GRID2: variants seen among roughly 807,000 people sequenced by gnomAD.
The protein encoded by GRID2 is glutamate ionotropic receptor delta type subunit 2.
Under a neutral mutation model 114.8 loss-of-function variants are expected in GRID2, and 33 were observed. The ratio of observed to expected loss-of-function variants is 0.29; its 90% confidence interval spans 0.22 to 0.38. The LOEUF is 0.38. GRID2 is among the 10% of genes least tolerant of loss of function. The probability of loss-of-function intolerance (pLI) is 1.00; values close to 1 mark genes in which losing one functional copy is unlikely to be tolerated. For synonymous variants in GRID2, 505 were observed against 449.9 expected (o/e 1.12, Z -1.55); for missense variants, 1,184 against 1,257.7 (o/e 0.94, Z 0.89).
intron 13 of GRID2, among the ~76,000 whole-genome samples, chr4:93,606,284 A>C (rs543541736): frequency 8.5e-5 from 13 of 152,194 alleles, no homozygotes; most frequent in African/African-American, 3.1e-4. Flanking sequence ...AATACAAATA[A>C]AAAAATGTAG....
intron 2 of GRID2, among the ~76,000 whole-genome samples, chr4:92,630,288 A>G (rs1467608760): frequency 6.6e-6 from 1 of 152,102 alleles, no homozygotes; most frequent in Admixed American, 6.6e-5. Flanking sequence ...ACTTCATCAC[A>G]AACTCCGTGT....
intron 1 of GRID2, among the ~76,000 whole-genome samples, chr4:92,458,034 G>T (rs1721301720): frequency 1.3e-5 from 2 of 152,176 alleles, no homozygotes; most frequent in Admixed American, 1.3e-4. Flanking sequence ...CATGAATTGT[G>T]CATTTAGAAT....
intron 14 of GRID2, among the ~76,000 whole-genome samples, chr4:93,715,417 CTT>C (rs933377233): frequency 6.6e-6 from 1 of 152,170 alleles, no homozygotes; most frequent in Non-Finnish European, 1.5e-5. Flanking sequence ...TGTTCAAACT[CTT>C]TTGTCGTTCC....
intron 8 of GRID2, among the ~76,000 whole-genome samples, chr4:93,343,219 A>C (rs181187485): frequency 2.4e-3 from 360 of 151,986 alleles, no homozygotes; most frequent in African/African-American, 6.5e-3. Flanking sequence ...GTTCCCTTAT[A>C]ATAATTATAA....
intron 2 of GRID2, among the ~76,000 whole-genome samples, chr4:92,829,503 T>C (rs1438100558): frequency 6.6e-6 from 1 of 152,126 alleles, no homozygotes; most frequent in African/African-American, 2.4e-5. Flanking sequence ...TGTAAATTAG[T>C]TGAACCATTG....
chr4:93,160,431 A>G (rs894896078), intron 4 of GRID2, among the ~76,000 whole-genome samples: 1 of 151,860 alleles, frequency 6.6e-6, no homozygotes, highest in Non-Finnish European at 1.5e-5. Context: ...CTAAACAAAT[A>G]TAATTTTGTT....
At chr4:93,625,744 G>T (rs930003031) in intron 13 of GRID2, among the ~76,000 whole-genome samples, 3 of 151,986 alleles carry the variant, frequency 2.0e-5, no homozygotes, top group Admixed American at 6.6e-5. Flanking sequence ...TGAAACCCCA[G>T]CTCTACTAAA....
At chr4:93,269,851 G>C (rs1181760437) in intron 8 of GRID2, among the ~76,000 whole-genome samples, 2 of 152,028 alleles carry the variant, frequency 1.3e-5, no homozygotes, top group African/African-American at 4.8e-5. Flanking sequence ...ATGCCTTTTG[G>C]TGCACTACCA....
At chr4:92,999,004 C>G (rs1755376022) in intron 2 of GRID2, among the ~76,000 whole-genome samples, 1 of 151,570 alleles carries the variant, frequency 6.6e-6, no homozygotes, top group African/African-American at 2.4e-5. Context: ...TTAAAATGTT[C>G]TTTGTGACAA....
At chr4:92,991,196 T>G (rs1050115911) in intron 2 of GRID2, among the ~76,000 whole-genome samples, 2 of 152,190 alleles carry the variant, frequency 1.3e-5, no homozygotes, top group Admixed American at 6.5e-5. Flanking sequence ...TTGTTTAAAT[T>G]TTAAAGCTCA....
intron 8 of GRID2, among the ~76,000 whole-genome samples, chr4:93,376,623 T>C (rs1763406191): frequency 6.6e-6 from 1 of 152,186 alleles, no homozygotes; most frequent in African/African-American, 2.4e-5. Flanking sequence ...TGAGAAACTA[T>C]TCTAACTGTG....
At chr4:93,183,564 A>G (rs923258570) in intron 4 of GRID2, among the ~76,000 whole-genome samples, 5 of 152,318 alleles carry the variant, frequency 3.3e-5, no homozygotes, top group Non-Finnish European at 7.3e-5. Context: ...ACAACTACTT[A>G]GTAAGTGCCC....
chr4:93,741,558 AT>A (rs781743511), intron 14 of GRID2, among the ~76,000 whole-genome samples: 250 of 152,268 alleles, frequency 1.6e-3, no homozygotes, highest in Non-Finnish European at 2.8e-3. Flanking sequence ...GCATTAACAG[AT>A]GTCCATGGCA....
intron 13 of GRID2, among the ~76,000 whole-genome samples, chr4:93,546,400 A>G (rs983293979): frequency 1.2e-4 from 19 of 152,188 alleles, no homozygotes; most frequent in Non-Finnish European, 1.8e-4. Context: ...GCAGCTAGAG[A>G]CAAAAGGACA....
intron 2 of GRID2, among the ~76,000 whole-genome samples, chr4:92,771,310 G>A (rs575704593): frequency 6.6e-6 from 1 of 152,122 alleles, no homozygotes; most frequent in Non-Finnish European, 1.5e-5. Context: ...CTGTGCTGCT[G>A]TATCACTTTA....
chr4:92,737,616 T>C (rs1268227181), intron 2 of GRID2, among the ~76,000 whole-genome samples: 1 of 152,154 alleles, frequency 6.6e-6, no homozygotes, highest in African/African-American at 2.4e-5. Context: ...CTTCCTCTGT[T>C]GCATATTCAA....
intron 14 of GRID2, among the ~76,000 whole-genome samples, chr4:93,687,523 G>C (rs954944521): frequency 4.6e-5 from 7 of 151,980 alleles, no homozygotes; most frequent in Admixed American, 4.6e-4. Flanking sequence ...ACACCAAAAA[G>C]TAACAGCCAG....
At chr4:92,427,700 C>A (rs1732227186) in intron 1 of GRID2, among the ~76,000 whole-genome samples, 3 of 152,032 alleles carry the variant, frequency 2.0e-5, no homozygotes, top group Admixed American at 2.0e-4. Flanking sequence ...AGCGAATAGA[C>A]CAAGTTATCT....
At chr4:92,372,146 G>A (rs1309120892) in intron 1 of GRID2, among the ~76,000 whole-genome samples, 1 of 152,126 alleles carries the variant, frequency 6.6e-6, no homozygotes, top group South Asian at 2.1e-4. Context: ...TTCTTTGGAT[G>A]AGATCTACTC....
Sources: allele counts gnomAD v4.1 joint callset (sites outside exome capture counted in the v4.1 genomes callset), GRCh38; gene constraint gnomAD v4.1.1; transcripts MANE v1.5; gene names NCBI Gene and HGNC (gene_info 2026-07-23, HGNC 2026-07-21).